STKLD1: variants seen among roughly 807,000 people sequenced by gnomAD.
The protein encoded by STKLD1 is serine/threonine kinase-like domain-containing protein STKLD1.
A neutral mutation model predicts 80.4 loss-of-function variants in STKLD1; 79 were observed. The ratio of observed to expected loss-of-function variants is 0.98; its 90% CI spans 0.82 to 1.19. The LOEUF is 1.19. STKLD1 is among the 50% of genes most tolerant of loss of function. The pLI is 0.00. For synonymous variants in STKLD1, 393 were observed against 357.6 expected (o/e 1.10, Z -1.12); for missense variants, 841 against 856.0 (o/e 0.98, Z 0.22).
intron 1 of STKLD1, 50 bp from the exon 2 acceptor site, chr9:133,378,986 G>T: frequency 6.4e-7 from 1 of 1,555,312 alleles, no homozygotes; most frequent in South Asian, 1.1e-5. Flanking sequence ...CTTTTGGAAA[G>T]GGAAAAGTTG....
Position 133,384,100 on chromosome 9 carries a change from T to C in STKLD1, c.219+200T>C, listed in dbSNP as rs1302041275. On this transcript the variant is annotated intron_variant, in intron 3 of 17. Coordinates refer to ENST00000371957, the MANE Select transcript of STKLD1 (RefSeq NM_153710.5). This position sits in a 1 kb window ranked among gnomAD's most constrained non-coding sequence, Gnocchi z 4.3. ...CATGCCCCAAACACTCACTGCTAAA[T>C]GCAGGTGCCGACAACTTAGAACATA... 1.7e-6 allele frequency: 1 copy of C among 586,666 alleles called. No homozygotes were observed. The highest frequency in any genetic ancestry group is 1.9e-5 in the African/African-American group (1 of 53,634). The allele number at this position is 586,666 out of a possible 1,614,324, so 36.3% of individuals were successfully genotyped here. A position where few individuals can be genotyped will look rare whatever the true frequency, so the allele number is the denominator to read the frequency against.
chr9:133,399,271 CGTCT>C (rs587605647), intron 11 of STKLD1, among the ~76,000 whole-genome samples: 171 of 152,358 alleles, frequency 1.1e-3, no homozygotes, highest in Admixed American at 1.8e-3. Context: ...CCCATCCATC[CGTCT>C]GTCTATCCAT....
rs1177354336 is a variant in STKLD1 at position 133,385,935 on chromosome 9, T to C, written c.294+244T>C. Among the ~76,000 whole-genome samples, 1 of 151,988 alleles carries C rather than the reference T, an allele frequency of 6.6e-6. No homozygotes were observed. The highest frequency in any genetic ancestry group is 2.4e-5 in the African/African-American group (1 of 41,396). ...ATCGTCAGGAGAGTTTTTTTTTTTTTTGGACAAAGTCTCGCTCTTGTCCCC... is the reference window on the plus strand; with the variant it reads ...ATCGTCAGGAGAGTTTTTTTTTTTTCTGGACAAAGTCTCGCTCTTGTCCCC... On this transcript the variant is annotated intron_variant, in intron 4 of 17. Transcript: ENST00000371957. The surrounding 1 kb of genome is among the most constrained non-coding windows in gnomAD (Gnocchi z 4.9).
At chr9:133,395,167 C>T (rs1838527237) in intron 8 of STKLD1, among the ~76,000 whole-genome samples, 1 of 152,214 alleles carries the variant, frequency 6.6e-6, no homozygotes, top group South Asian at 2.1e-4. Flanking sequence ...CCAGACTCCA[C>T]CTCTGAGAAG....
chr9:133,404,137 A>G, intron 16 of STKLD1, 89 bp downstream of exon 16: 2 of 1,429,470 alleles, frequency 1.4e-6, no homozygotes, highest in Non-Finnish European at 1.9e-6. Flanking sequence ...GCCACAAACC[A>G]AAAAACAGAA....
At position 133,390,643 on chromosome 9, in the gene STKLD1, C is replaced by T; in HGVS notation, c.468-38C>T. On this transcript the variant is annotated intron_variant, in intron 6 of 17. Coordinates refer to ENST00000371957, the MANE Select transcript of STKLD1 (RefSeq NM_153710.5). This position sits in a 1 kb window ranked among gnomAD's most constrained non-coding sequence, Gnocchi z 5.1. ...GTGGGTGGTGGCTGCCCAGGTGGCCCCTTGGCATCCAGAGGCAAACCCACC... is the reference window on the plus strand; with the variant it reads ...GTGGGTGGTGGCTGCCCAGGTGGCCTCTTGGCATCCAGAGGCAAACCCACC... 1.3e-6 allele frequency: 2 copies of T among 1,554,992 alleles called. No homozygotes were observed. The highest frequency in any genetic ancestry group is 1.8e-6 in the Non-Finnish European group (2 of 1,127,730).
chr9:133,379,013 G>A, intron 1 of STKLD1, 23 bp from the exon 2 acceptor site: 2 of 1,606,258 alleles, frequency 1.2e-6, no homozygotes, highest in Non-Finnish European at 1.7e-6. Context: ...TTTCCTGAAA[G>A]CTTCTCTCTT....
At position 133,384,978 on chromosome 9, in the gene STKLD1, C is replaced by T. The variant is rs963133819; in HGVS notation, c.220-639C>T. ...AACATTATTGGGTGTATAGTGTGAC[C>T]GAAGCACAGTGGTGGGCCCAGGCTA... On this transcript the variant is annotated intron_variant, in intron 3 of 17. Transcript: ENST00000371957. The surrounding 1 kb of genome is among the most constrained non-coding windows in gnomAD (Gnocchi z 4.3). Among the ~76,000 whole-genome samples the T allele has an allele frequency of 2.0e-5, 3 of 152,066 alleles. No homozygotes were observed. The highest frequency in any genetic ancestry group is 4.4e-5 in the Non-Finnish European group (3 of 68,010).
At chr9:133,397,105 C>G in intron 9 of STKLD1, 59 bp from the exon 10 acceptor site, 1 of 1,607,796 alleles carries the variant, frequency 6.2e-7, no homozygotes, top group Non-Finnish European at 8.5e-7. Context: ...GGGAGAGCCC[C>G]ACGGGGAGGT....
rs1838583856 is a variant in STKLD1 at position 133,397,177 on chromosome 9, A to C, written c.880A>C (p.Ile294Leu). Reference sequence around the variant, plus strand: ...CTCCTCTGCTAGGGACGTGGTGCACATCACCTTCTTGAGAGGCTCCTTCAA... The same window carrying C: ...CTCCTCTGCTAGGGACGTGGTGCACCTCACCTTCTTGAGAGGCTCCTTCAA... The part of the protein sequence containing the change: ...DRITIKDVVH[I>L]TFLRGSFKSS... Residue 294 changes from isoleucine to leucine, a missense_variant, in exon 10 of 18, where the codon ATC becomes CTC. Physicochemically the swap from Ile to Leu is conservative, Grantham distance 5 (BLOSUM62 2). Transcript: ENST00000371957. 2 of 1,613,788 alleles carry C rather than the reference A, an allele frequency of 1.2e-6. No homozygotes were observed. Among genetic ancestry groups the C allele is most frequent in the Admixed American group, 3.3e-5 (2 of 59,992 alleles).
Position 133,405,359 on chromosome 9 carries a change from C to T in STKLD1, c.1981C>T (p.Pro661Ser). ...GAGTGACAGCAGCGCCTTCAGCAAA[C>T]CAGGCCTCCCTCCAGGTGGAAGCCC... ...LVSDSSAFSK[P>S]GLPPGGSPQL... Residue 661 changes from proline (P) to serine (S), a missense_variant, in exon 18 of 18, where the codon CCA becomes TCA. By Grantham distance (74) the Pro-to-Ser change is moderately conservative. Transcript: ENST00000371957. 6.2e-7 allele frequency: 1 copy of T among 1,612,666 alleles called. No homozygotes were observed. Among genetic ancestry groups the T allele is most frequent in the Non-Finnish European group, 8.5e-7 (1 of 1,179,952 alleles).
chr9:133,380,145 C>A (rs1237981352), intron 2 of STKLD1, among the ~76,000 whole-genome samples: 2 of 152,138 alleles, frequency 1.3e-5, no homozygotes, highest in Non-Finnish European at 2.9e-5. Flanking sequence ...AAGCAATTTT[C>A]CTGCCTCAGC....
Position 133,379,120 on chromosome 9 carries a change from C to A in STKLD1, c.172C>A (p.Gln58Lys). ...METKVKHVIKQVECMDDHYAS... is the reference protein window; with the variant it reads ...METKVKHVIKKVECMDDHYAS... ...AACCAAAGTCAAGCATGTGATAAAGCAGGTAAGAGGCCAAGCCTGTGCATC... is the reference window on the plus strand; with the variant it reads ...AACCAAAGTCAAGCATGTGATAAAGAAGGTAAGAGGCCAAGCCTGTGCATC... The change falls in exon 2 of 18, where the codon CAG (glutamine) becomes AAG (lysine). Residue 58 changes from glutamine to lysine, a missense_variant and splice_region_variant. Transcript: ENST00000371957. 1.2e-6 allele frequency: 2 copies of A among 1,613,684 alleles called. No individual in the cohort carries two copies. Among genetic ancestry groups the A allele is most frequent in the Non-Finnish European group, 1.7e-6 (2 of 1,179,744 alleles).
chr9:133,393,645 A>ACGGG (rs1394265226), intron 7 of STKLD1, among the ~76,000 whole-genome samples: 5 of 88,922 alleles, frequency 5.6e-5, no homozygotes, highest in Admixed American at 1.0e-4. Flanking sequence ...GGGTGAGTGG[A>ACGGG]TGGGTGGGTG....
At chr9:133,397,944 TC>T in intron 10 of STKLD1, 27 bp from the exon 11 acceptor site, 1 of 1,600,074 alleles carries the variant, frequency 6.2e-7, no homozygotes. Context: ...CTCAGAAAGG[TC>T]CCTCCCCTGC....
At chr9:133,395,329 T>C (rs1554776558) in intron 8 of STKLD1, among the ~76,000 whole-genome samples, 1 of 152,184 alleles carries the variant, frequency 6.6e-6, no homozygotes, top group African/African-American at 2.4e-5. Context: ...GAAATGGGCA[T>C]GCTGTCTTAC....
intron 12 of STKLD1, among the ~76,000 whole-genome samples, chr9:133,400,817 G>C (rs1007895165): frequency 1.3e-5 from 2 of 152,228 alleles, no homozygotes; most frequent in African/African-American, 2.4e-5. Flanking sequence ...ATGGCAGAGA[G>C]GGCACAGGCC....
In STKLD1 at chr9:133,394,347, A is replaced by G; in HGVS notation, c.640A>G (p.Lys214Glu). The change falls in exon 8 of 18, where the codon AAA becomes GAA. Residue 214 changes from lysine (K) to glutamate (E), a missense_variant. Transcript: ENST00000371957. The surrounding 1 kb of genome is among the most constrained non-coding windows in gnomAD (Gnocchi z 4.9). The part of the protein sequence containing the change: ...PEALNFSFSQ[K>E]SDIWSLGCII... ...AGCCCTCAACTTCTCCTTCAGCCAGAAATCAGACATCTGGTCCCTGGGCTG... is the reference window on the plus strand; with the variant it reads ...AGCCCTCAACTTCTCCTTCAGCCAGGAATCAGACATCTGGTCCCTGGGCTG... 1 of 1,613,944 alleles carries G rather than the reference A, an allele frequency of 6.2e-7. No homozygotes were observed. The highest frequency in any genetic ancestry group is 8.5e-7 in the Non-Finnish European group (1 of 1,179,972).
At position 133,404,898 on chromosome 9, in the gene STKLD1, G is replaced by A. The variant is rs368865510; in HGVS notation, c.1842G>A (p.Val614=). 1 of 1,613,420 alleles carries A rather than the reference G, an allele frequency of 6.2e-7. No individual in the cohort carries two copies. The highest frequency in any genetic ancestry group is 8.5e-7 in the Non-Finnish European group (1 of 1,179,822). Reference sequence around the variant, plus strand: ...ACGACCCGGAGGTGGTGGAGAACGTGGGCATGCTGCTGGTCCACCTGGCTT... The same window carrying A: ...ACGACCCGGAGGTGGTGGAGAACGTAGGCATGCTGCTGGTCCACCTGGCTT... ...HRDDPEVVEN[V]GMLLVHLASY... The change falls in exon 17 of 18, where the codon GTG becomes GTA. Residue 614 remains valine (V), a synonymous_variant. Coordinates refer to ENST00000371957, the MANE Select transcript of STKLD1 (RefSeq NM_153710.5).
Sources: allele counts gnomAD v4.1 joint callset (sites outside exome capture counted in the v4.1 genomes callset), GRCh38; gene constraint gnomAD v4.1.1; non-coding constraint Gnocchi (gnomAD v3.1); transcripts MANE v1.5; gene names NCBI Gene and HGNC (gene_info 2026-07-23, HGNC 2026-07-21).